SLC36A2: variants seen among roughly 807,000 people sequenced by gnomAD.
The protein encoded by SLC36A2 is proton-coupled amino acid transporter 2.
SLC36A2 carries 39 observed loss-of-function variants against 42.7 expected under a neutral mutation model. That is an observed-to-expected ratio of 0.91 (90% CI 0.71 to 1.19). The LOEUF (loss-of-function observed/expected upper bound fraction) is 1.19, where lower values mean the gene tolerates loss of function less well. Among genes scored for constraint, SLC36A2 ranks in the 50% most tolerant of loss-of-function variants. SLC36A2 has a pLI of 0.00. For synonymous variants in SLC36A2, 237 were observed against 240.8 expected, an observed-to-expected ratio of 0.98 and a Z score of 0.15; for missense variants, 590 against 613.7, an observed-to-expected ratio of 0.96 and a Z score of 0.41.
At chr5:151,342,770 A>T in intron 4 of SLC36A2, 118 bp downstream of exon 4, 1 of 805,358 alleles carries the variant, frequency 1.2e-6, no homozygotes, top group Non-Finnish European at 2.1e-6. Context: ...CCTTCCATGT[A>T]CAACATCTAA....
intron 7 of SLC36A2, among the ~76,000 whole-genome samples, chr5:151,332,105 G>T (rs185810615): frequency 1.3e-5 from 2 of 152,228 alleles, no homozygotes; most frequent in East Asian, 3.9e-4. Flanking sequence ...GACCTCAAGT[G>T]ATCTGCCTGC....
In SLC36A2 at chr5:151,335,343, G is replaced by T; in HGVS notation, c.730C>A (p.Gln244Lys). Residue 244 changes from glutamine (Q) to lysine (K), a missense_variant, in exon 6 of 10, where the codon CAG becomes AAG. Gln to Lys is a moderately conservative substitution (Grantham distance 53). Transcript: ENST00000335244. ...SMLVSLVIII[Q>K]YITQEIPDPS... is the part of the protein sequence containing the mutation. ...TGTGCACTCACCTGGGTAATGTACT[G>T]TATGATGATGACCAAGCTGACCAGC... is the stretch of plus-strand genomic sequence containing the variant. 6.2e-7 allele frequency: 1 copy of T among 1,612,966 alleles called. No homozygotes were observed. The highest frequency in any genetic ancestry group is 8.5e-7 in the Non-Finnish European group (1 of 1,179,564).
intron 9 of SLC36A2, chr5:151,319,192 G>C (rs775918246): frequency 1.1e-6 from 1 of 899,744 alleles, no homozygotes; most frequent in Non-Finnish European, 1.3e-6. Flanking sequence ...ATTACTCCAA[G>C]TTATTTACTC....
At position 151,316,962 on chromosome 5, in the gene SLC36A2, A is replaced by G; in HGVS notation, c.1307T>C (p.Met436Thr). The G allele has an allele frequency of 1.9e-6, 3 of 1,614,064 alleles. No individual in the cohort carries two copies. Among genetic ancestry groups the G allele is most frequent in the Non-Finnish European group, 2.5e-6 (3 of 1,180,004 alleles). ...LEVTTFYSEG[M>T]SPLTIFKDAL... is the part of the protein sequence containing the mutation. ...GTCCTTGAAGATGGTGAGGGGGCTCATGCCCTCTGAGTAGAACGTGGTGAC... is the reference window on the plus strand; with the variant it reads ...GTCCTTGAAGATGGTGAGGGGGCTCGTGCCCTCTGAGTAGAACGTGGTGAC... The change falls in exon 10 of 10, where the codon ATG (methionine) becomes ACG (threonine). Residue 436 changes from methionine to threonine, a missense_variant. Met to Thr is a moderately conservative substitution (Grantham distance 81, BLOSUM62 -1). Transcript: ENST00000335244.
chr5:151,341,295 C>T (rs1232534953), intron 4 of SLC36A2, among the ~76,000 whole-genome samples: 1 of 152,204 alleles, frequency 6.6e-6, no homozygotes, highest in African/African-American at 2.4e-5. Context: ...AAATTCTGGT[C>T]ATTATCCAGT....
intron 3 of SLC36A2, 121 bp from the exon 4 acceptor site, chr5:151,343,104 C>A (rs901014264): frequency 2.5e-6 from 2 of 805,166 alleles, no homozygotes; most frequent in African/African-American, 1.7e-5. Context: ...AACACAGGGG[C>A]AGAGACCTCG....
intron 5 of SLC36A2, 124 bp downstream of exon 5, chr5:151,338,936 C>T (rs772651479): frequency 2.7e-6 from 2 of 749,592 alleles, no homozygotes; most frequent in South Asian, 2.7e-5. Context: ...AGTTTGACAA[C>T]ATCTAGTTTA....
Position 151,347,421 on chromosome 5 carries a change from C to T in SLC36A2, c.40G>A (p.Val14Ile), listed in dbSNP as rs969941163. The T allele has an allele frequency of 2.7e-5, 43 of 1,614,082 alleles. No individual in the cohort carries two copies. The highest frequency in any genetic ancestry group is 6.6e-5 in the South Asian group (6 of 91,084). ...GACATAAGGTCCAATTTGATGGCAA[C>T]GGCTCCCTGGGGACCCTCAGTACTT... is the stretch of plus-strand genomic sequence containing the variant. Reference protein sequence around the residue: ...TKSTEGPQGAVAIKLDLMSPP... With the variant: ...TKSTEGPQGAIAIKLDLMSPP... The change falls in exon 1 of 10, where the codon GTT becomes ATT. Residue 14 changes from valine (V) to isoleucine (I), a missense_variant. Coordinates refer to ENST00000335244, the MANE Select transcript of SLC36A2 (RefSeq NM_181776.3).
intron 9 of SLC36A2, among the ~76,000 whole-genome samples, chr5:151,318,231 C>A (rs1044948578): frequency 6.6e-6 from 1 of 151,888 alleles, no homozygotes; most frequent in Non-Finnish European, 1.5e-5. Flanking sequence ...TGGATCCTTA[C>A]ATATCCAACA....
rs529301871 is a variant in SLC36A2 at position 151,319,092 on chromosome 5, C to T, written c.1181-2004G>A. 25 of 902,046 alleles carry T rather than the reference C, an allele frequency of 2.8e-5. No homozygotes were observed. In the South Asian group the frequency reaches 1.0e-3, roughly 37 times the overall value. 55.9% of individuals were successfully genotyped at this position (902,046 alleles called of 1,614,324 possible). On this transcript the variant is annotated intron_variant, in intron 9 of 9. Transcript: ENST00000335244. ...GCAAAATGGAGATGAAGGCTACTAT[C>T]CTTTTAGGTATTGTGATTCATTCTG...
At chr5:151,337,784 C>G (rs1040562592) in intron 5 of SLC36A2, among the ~76,000 whole-genome samples, 11 of 152,116 alleles carry the variant, frequency 7.2e-5, no homozygotes, top group Non-Finnish European at 1.6e-4. Flanking sequence ...TATGATCAAT[C>G]TGTGTGATGG....
intron 1 of SLC36A2, among the ~76,000 whole-genome samples, chr5:151,345,888 G>T (rs1421358142): frequency 1.3e-5 from 2 of 152,140 alleles, no homozygotes; most frequent in Non-Finnish European, 2.9e-5. Flanking sequence ...CACTGTGTCT[G>T]GGGTATTTAT....
At chr5:151,330,730 A>T (rs911608301) in intron 7 of SLC36A2, among the ~76,000 whole-genome samples, 11 of 152,220 alleles carry the variant, frequency 7.2e-5, no homozygotes, top group Non-Finnish European at 1.0e-4. Flanking sequence ...TTGGTGTTTC[A>T]GTGTGTTTAG....
chr5:151,336,071 C>T (rs1010857405), intron 5 of SLC36A2, among the ~76,000 whole-genome samples: 13 of 151,948 alleles, frequency 8.6e-5, no homozygotes, highest in African/African-American at 2.9e-4. Flanking sequence ...TAACTGGATT[C>T]GCAGTGGCTA....
At chr5:151,340,112 A>T (rs573369286) in intron 4 of SLC36A2, among the ~76,000 whole-genome samples, 1 of 132,238 alleles carries the variant, frequency 7.6e-6, no homozygotes, top group South Asian at 2.2e-4. Flanking sequence ...AAGGAGGAGG[A>T]AGAAGAGGAG....
chr5:151,344,645 G>T (rs1756444817), intron 1 of SLC36A2, among the ~76,000 whole-genome samples: 1 of 152,160 alleles, frequency 6.6e-6, no homozygotes, highest in Non-Finnish European at 1.5e-5. Context: ...ATATATTGGG[G>T]AGCCAAGATT....
At position 151,316,958 on chromosome 5, in the gene SLC36A2, G is replaced by C. The variant is rs755127928; in HGVS notation, c.1311C>G (p.Ser437Arg). 5.0e-6 allele frequency: 8 copies of C among 1,613,912 alleles called. No individual in the cohort carries two copies. The highest frequency in any genetic ancestry group is 1.3e-5 in the African/African-American group (1 of 74,904). The change falls in exon 10 of 10, where the codon AGC becomes AGG. Residue 437 changes from serine (S) to arginine (R), a missense_variant. Transcript: ENST00000335244. The stretch of plus-strand genomic sequence containing the variant: ...GGGCGTCCTTGAAGATGGTGAGGGG[G>C]CTCATGCCCTCTGAGTAGAACGTGG... Reference protein sequence around the residue: ...EVTTFYSEGMSPLTIFKDALI... With the variant: ...EVTTFYSEGMRPLTIFKDALI...
intron 8 of SLC36A2, 93 bp from the exon 9 acceptor site, chr5:151,322,308 T>C: frequency 6.9e-7 from 1 of 1,457,838 alleles, no homozygotes; most frequent in Non-Finnish European, 9.4e-7. Flanking sequence ...GGACAATGAC[T>C]TGGGCTTTTG....
chr5:151,336,823 G>T (rs1207481569), intron 5 of SLC36A2, among the ~76,000 whole-genome samples: 1 of 151,856 alleles, frequency 6.6e-6, no homozygotes, highest in African/African-American at 2.4e-5. Context: ...ACTGCAGAAC[G>T]ATTAGGAACT....
Sources: gnomAD v4.1 joint callset for allele counts (sites outside exome capture counted in the v4.1 genomes callset) on GRCh38, gnomAD v4.1.1 for gene constraint, MANE v1.5 for transcripts, NCBI Gene and HGNC (gene_info 2026-07-23, HGNC 2026-07-21) for gene names.